The following WFDC1 variants were observed in gnomAD, a reference collection of about 807,000 sequenced individuals.
The protein encoded by WFDC1 is WAP four-disulfide core domain protein 1.
In WFDC1, 39 loss-of-function variants were observed where a neutral mutation model predicts 32.9. The ratio of observed to expected loss-of-function variants is 1.19; its 90% CI spans 0.92 to 1.55. The LOEUF (loss-of-function observed/expected upper bound fraction) is 1.55. Ranked by LOEUF, WFDC1 falls within the 40% of genes most tolerant of loss-of-function variation. The probability of loss-of-function intolerance (pLI) is 0.00; values close to 1 mark genes in which losing one functional copy is unlikely to be tolerated. For missense variants in WFDC1, 386 were observed against 309.5 expected (o/e 1.25, Z -1.85); for synonymous variants, 184 against 137.4 (o/e 1.34, Z -2.37).
intron 1 of WFDC1, among the ~76,000 whole-genome samples, chr16:84,310,663 G>T (rs424043): frequency 0.37 from 56,428 of 151,908 alleles, 11,900 homozygotes; most frequent in East Asian, 0.62. Flanking sequence ...TATGCAAATA[G>T]ATATATATAT....
chr16:84,310,120 G>C (rs1013743953), intron 1 of WFDC1, among the ~76,000 whole-genome samples: 18 of 152,200 alleles, frequency 1.2e-4, no homozygotes, highest in Admixed American at 9.8e-4. Flanking sequence ...TCCCTTGAAG[G>C]GGTCGCTCAC....
intron 1 of WFDC1, among the ~76,000 whole-genome samples, chr16:84,299,311 G>T (rs1906794973): frequency 6.6e-6 from 1 of 151,898 alleles, no homozygotes; most frequent in Non-Finnish European, 1.5e-5. Flanking sequence ...GTTGCGGTGA[G>T]CCGAGATCGT....
rs1400503104 is a variant in WFDC1, at chr16:84,322,001, C to T, written c.563-2418C>T. On this transcript the variant is annotated intron_variant, in intron 4 of 6. Coordinates refer to ENST00000219454, the MANE Select transcript of WFDC1 (RefSeq NM_021197.4). ...AACACGTATGAAGTGCTTAGAATAG[C>T]ACCTGGCCCACTGTAGGTCCTCAGT... Among the ~76,000 whole-genome samples the T allele has an allele frequency of 2.6e-5, 4 of 152,166 alleles. No individual in the cohort carries two copies. The East Asian group carries it at 5.8e-4, about 22-fold the overall frequency.
chr16:84,312,355 C>G (rs143725304), intron 1 of WFDC1, among the ~76,000 whole-genome samples: 433 of 152,174 alleles, frequency 2.8e-3, no homozygotes, highest in Admixed American at 4.9e-3. Flanking sequence ...ACTTCTCATG[C>G]CAGACATCAG....
intron 1 of WFDC1, among the ~76,000 whole-genome samples, chr16:84,301,256 C>T (rs1161615194): frequency 6.6e-6 from 1 of 152,206 alleles, no homozygotes; most frequent in Admixed American, 6.5e-5. Context: ...GTTTTAAGCC[C>T]CCAGCGTGTG....
chr16:84,295,106 G>C lies in WFDC1; in HGVS notation c.135G>C (p.Glu45Asp), dbSNP rs1395202589. 6.2e-7 allele frequency: 1 copy of C among 1,613,960 alleles called. No homozygotes were observed. The highest frequency in any genetic ancestry group is 1.7e-5 in the Admixed American group (1 of 60,012). The change falls in exon 1 of 7, where the codon GAG (glutamate) becomes GAC (aspartate). Residue 45 changes from glutamate (E) to aspartate (D), a missense_variant. By Grantham distance (45) the Glu-to-Asp change is conservative. Transcript: ENST00000219454. ...GGGCATTGCCTGCGAGGCTGGCCGA[G>C]AAATCCCGTGTAAGTGCCTGGGATG... ...WKRALPARLA[E>D]KSRAEEAGAP...
chr16:84,294,997 G>C lies in WFDC1; in HGVS notation c.26G>C (p.Gly9Ala). The C allele has an allele frequency of 6.2e-7, 1 of 1,613,944 alleles. No individual in the cohort carries two copies. Among genetic ancestry groups the C allele is most frequent in the South Asian group, 1.1e-5 (1 of 91,062 alleles). MPLTGVGP[G>A]SCRRQIIRAL... ...ATGCCTTTAACCGGCGTGGGGCCGG[G>C]CAGCTGCAGGAGGCAGATCATCCGG... Residue 9 changes from glycine (G) to alanine (A), a missense_variant, in exon 1 of 7, where the codon GGC becomes GCC. Gly to Ala is a moderately conservative substitution (Grantham distance 60, BLOSUM62 0). Coordinates refer to ENST00000219454, the MANE Select transcript of WFDC1 (RefSeq NM_021197.4).
rs749811427 is a variant in WFDC1 at position 84,319,539 on chromosome 16, G to T, written c.530G>T (p.Arg177Leu). The T allele has an allele frequency of 1.2e-6, 2 of 1,613,016 alleles. No individual in the cohort carries two copies. The highest frequency in any genetic ancestry group is 3.3e-5 in the Admixed American group (2 of 60,006). The change falls in exon 4 of 7, where the codon CGT becomes CTT. Residue 177 changes from arginine (R) to leucine (L), a missense_variant. Coordinates refer to ENST00000219454, the MANE Select transcript of WFDC1 (RefSeq NM_021197.4). Reference sequence around the variant, plus strand: ...GACGTGGCCGAAGGTATCCCCAACCGTGGGCAGTGCGTCAAGCAGCGCCGG... The same window carrying T: ...GACGTGGCCGAAGGTATCCCCAACCTTGGGCAGTGCGTCAAGCAGCGCCGG... ...PGDVAEGIPN[R>L]GQCVKQRRQA...
intron 5 of WFDC1, among the ~76,000 whole-genome samples, chr16:84,325,020 C>T (rs1032852209): frequency 1.3e-5 from 2 of 151,734 alleles, no homozygotes; most frequent in African/African-American, 4.8e-5. Flanking sequence ...CCCATTCATC[C>T]ATCCATCCAC....
intron 3 of WFDC1, 169 bp downstream of exon 3, chr16:84,318,524 C>T: frequency 1.6e-6 from 1 of 636,002 alleles, no homozygotes; most frequent in Non-Finnish European, 2.8e-6. Context: ...GGGCTGATGG[C>T]TGGGGGCTTG....
At position 84,310,543 on chromosome 16, in the gene WFDC1, C is replaced by G. The variant is rs533074074; in HGVS notation, c.145-2418C>G. On this transcript the variant is annotated intron_variant, in intron 1 of 6. Coordinates refer to ENST00000219454, the MANE Select transcript of WFDC1 (RefSeq NM_021197.4). ...CATTGAACCACTGCAGAAGGGTGTACAATAGAAAGAAATCTCTCTCAGCTT... is the reference window on the plus strand; with the variant it reads ...CATTGAACCACTGCAGAAGGGTGTAGAATAGAAAGAAATCTCTCTCAGCTT... Among the ~76,000 whole-genome samples, 18 of 152,244 alleles carry G rather than the reference C, an allele frequency of 1.2e-4. No individual in the cohort carries two copies. In the South Asian group the frequency reaches 3.7e-3, roughly 32 times the overall value.
At position 84,319,378 on chromosome 16, in the gene WFDC1, G is replaced by T; in HGVS notation, c.422-53G>T. On this transcript the variant is annotated intron_variant, in intron 3 of 6. Coordinates refer to ENST00000219454, the MANE Select transcript of WFDC1 (RefSeq NM_021197.4). ...GTCTGCCTTCTAGACCCTAGCATGT[G>T]CACCTGTCCTGGGAGTCGGCCTTCT... 1.9e-6 allele frequency: 3 copies of T among 1,591,104 alleles called. 1 individual carries two copies. The South Asian group carries it at 3.3e-5, about 18-fold the overall frequency.
At chr16:84,296,821 C>T (rs1262950392) in intron 1 of WFDC1, 3 of 152,090 alleles carry the variant, frequency 2.0e-5, no homozygotes, top group Admixed American at 2.0e-4. Flanking sequence ...GAAGGAAATT[C>T]CTGGAAGAAG....
intron 4 of WFDC1, 88 bp downstream of exon 4, chr16:84,319,659 C>T (rs1597690047): frequency 1.3e-6 from 2 of 1,526,078 alleles, no homozygotes; most frequent in East Asian, 2.3e-5. Flanking sequence ...GACGACCTGC[C>T]CCAGGAAGCA....
intron 5 of WFDC1, chr16:84,326,522 G>A: frequency 4.4e-6 from 1 of 228,376 alleles, no homozygotes; most frequent in South Asian, 9.3e-5. Flanking sequence ...GTGAGAAAAG[G>A]CTTCCTAAGG....
intron 2 of WFDC1, chr16:84,315,907 G>A (rs1357085710): frequency 6.6e-6 from 1 of 152,228 alleles, no homozygotes; most frequent in Non-Finnish European, 1.5e-5. Context: ...ATCCCAGGTA[G>A]TTCCAGTGAG....
intron 4 of WFDC1, among the ~76,000 whole-genome samples, chr16:84,320,799 A>T (rs1245063316): frequency 2.0e-5 from 3 of 152,110 alleles, no homozygotes; most frequent in Non-Finnish European, 4.4e-5. Context: ...CTCAGACAAG[A>T]TTGGTGATAA....
intron 5 of WFDC1, chr16:84,326,552 C>T: frequency 3.6e-6 from 1 of 279,806 alleles, no homozygotes; most frequent in East Asian, 6.6e-5. Context: ...GAAAGCTCAG[C>T]CTAAAGAATA....
chr16:84,296,853 A>C (rs1456354464), intron 1 of WFDC1: 3 of 152,228 alleles, frequency 2.0e-5, no homozygotes, highest in Non-Finnish European at 4.4e-5. Context: ...GCCGAGGCTC[A>C]CAGGCAGAAG....
Sources: gnomAD v4.1 joint callset for allele counts (sites outside exome capture counted in the v4.1 genomes callset) on GRCh38, gnomAD v4.1.1 for gene constraint, MANE v1.5 for transcripts, NCBI Gene and HGNC (gene_info 2026-07-23, HGNC 2026-07-21) for gene names.